The following AUTS2 variants were observed in gnomAD, a reference collection of about 807,000 sequenced individuals.
AUTS2 encodes the protein autism susceptibility gene 2 protein.
A neutral mutation model predicts 112.4 loss-of-function variants in AUTS2; 17 were observed. That is an observed-to-expected ratio of 0.15 (90% CI 0.10 to 0.23). The LOEUF is 0.23. Among genes scored for constraint, AUTS2 ranks in the 10% least tolerant of loss-of-function variants. The pLI, the probability that AUTS2 is intolerant of heterozygous loss-of-function variation, is 1.00. For missense variants in AUTS2, 1,510 were observed against 1,701.6 expected (o/e 0.89, Z 1.98); for synonymous variants, 751 against 702.7 (o/e 1.07, Z -1.09).
rs577658464 is a variant in AUTS2, at chr7:69,718,846, A to G, written c.309+118884A>G. On this transcript the variant is annotated intron_variant, in intron 1 of 18. Transcript: ENST00000342771. ...AGTGCCCTCTATTAATTCTTTGCAA[A>G]ATAAATTGTTACCTATGAATGTGTC... Among the ~76,000 whole-genome samples, 12 of 152,272 alleles carry G rather than the reference A, an allele frequency of 7.9e-5. No homozygotes were observed. In the South Asian group the frequency reaches 2.5e-3, roughly 32 times the overall value.
intron 5 of AUTS2, among the ~76,000 whole-genome samples, chr7:70,617,444 T>C (rs1804432683): frequency 6.6e-6 from 1 of 152,106 alleles, no homozygotes; most frequent in African/African-American, 2.4e-5. Flanking sequence ...GGGCGGATCA[T>C]GAGGTCAGGA....
At chr7:69,854,044 G>T (rs545600262) in intron 1 of AUTS2, among the ~76,000 whole-genome samples, 1 of 152,066 alleles carries the variant, frequency 6.6e-6, no homozygotes, top group Non-Finnish European at 1.5e-5. Context: ...CTTTCTCTTT[G>T]ACACCACTCT....
At chr7:69,629,046 G>A (rs1390977772) in intron 1 of AUTS2, among the ~76,000 whole-genome samples, 1 of 152,176 alleles carries the variant, frequency 6.6e-6, no homozygotes, top group East Asian at 1.9e-4. Context: ...TGCATTTTGG[G>A]AAGTATCGTT....
At chr7:70,663,838 G>C (rs1807198439) in intron 5 of AUTS2, among the ~76,000 whole-genome samples, 1 of 152,086 alleles carries the variant, frequency 6.6e-6, no homozygotes. Context: ...TCACTACCAC[G>C]TCTCAGAATG....
intron 1 of AUTS2, among the ~76,000 whole-genome samples, chr7:69,785,851 A>G (rs527616140): frequency 6.6e-6 from 1 of 152,224 alleles, no homozygotes; most frequent in South Asian, 2.1e-4. Context: ...TGTTTTTGAG[A>G]TGAAATTTTA....
intron 2 of AUTS2, among the ~76,000 whole-genome samples, chr7:69,936,695 A>G (rs1396166155): frequency 1.3e-5 from 2 of 152,222 alleles, no homozygotes; most frequent in African/African-American, 2.4e-5. Context: ...TTGTTCTCCT[A>G]GGGGATTTCT....
At chr7:70,333,517 T>C (rs1027669152) in intron 4 of AUTS2, among the ~76,000 whole-genome samples, 11 of 152,188 alleles carry the variant, frequency 7.2e-5, no homozygotes, top group African/African-American at 2.7e-4. Context: ...CATATGTTTA[T>C]TGCAGCACTG....
chr7:70,306,968 A>C (rs1021881821), intron 4 of AUTS2, among the ~76,000 whole-genome samples: 3 of 152,128 alleles, frequency 2.0e-5, no homozygotes, highest in Non-Finnish European at 2.9e-5. Flanking sequence ...TTCCCACTGA[A>C]AGATCGAAAA....
At chr7:70,642,172 G>A (rs940519322) in intron 5 of AUTS2, among the ~76,000 whole-genome samples, 4 of 152,158 alleles carry the variant, frequency 2.6e-5, no homozygotes, top group Non-Finnish European at 5.9e-5. Context: ...ATTTTTCTGA[G>A]TTTCTGATTT....
intron 5 of AUTS2, among the ~76,000 whole-genome samples, chr7:70,463,751 T>C (rs1180538476): frequency 6.6e-6 from 1 of 152,154 alleles, no homozygotes; most frequent in Admixed American, 6.5e-5. Context: ...GTTTGCTGAG[T>C]AATTAATCTC....
At chr7:70,111,477 T>C (rs547026654) in intron 2 of AUTS2, among the ~76,000 whole-genome samples, 2 of 152,304 alleles carry the variant, frequency 1.3e-5, no homozygotes, top group East Asian at 3.9e-4. Context: ...TTAGTAAACT[T>C]AAAGAGTTAT....
chr7:70,647,626 G>A (rs796260410), intron 5 of AUTS2, among the ~76,000 whole-genome samples: 12 of 152,250 alleles, frequency 7.9e-5, no homozygotes, highest in African/African-American at 2.4e-4. Flanking sequence ...ACCCTGGCTC[G>A]TCTCCTGTGT....
chr7:70,780,722 A>G (rs1791015429), intron 14 of AUTS2, among the ~76,000 whole-genome samples: 1 of 152,210 alleles, frequency 6.6e-6, no homozygotes, highest in African/African-American at 2.4e-5. Flanking sequence ...TAGGAAGAGA[A>G]AGGGCCTCTG....
intron 4 of AUTS2, among the ~76,000 whole-genome samples, chr7:70,185,568 G>A (rs1025485544): frequency 2.0e-5 from 3 of 151,902 alleles, no homozygotes; most frequent in Admixed American, 2.0e-4. Context: ...ATTGTGGCTT[G>A]TGAAGAAAGA....
At chr7:70,333,747 A>G (rs1790864586) in intron 4 of AUTS2, among the ~76,000 whole-genome samples, 1 of 152,152 alleles carries the variant, frequency 6.6e-6, no homozygotes, top group African/African-American at 2.4e-5. Context: ...CCTAAGTGGG[A>G]GATGAACAAT....
At chr7:70,575,118 C>T (rs942140692) in intron 5 of AUTS2, among the ~76,000 whole-genome samples, 5 of 152,212 alleles carry the variant, frequency 3.3e-5, no homozygotes, top group East Asian at 1.9e-4. Context: ...TTTATTAAAA[C>T]GCTCGCAGAG....
intron 1 of AUTS2, among the ~76,000 whole-genome samples, chr7:69,884,309 C>T (rs2129538215): frequency 6.6e-6 from 1 of 152,308 alleles, no homozygotes; most frequent in Non-Finnish European, 1.5e-5. Flanking sequence ...CTGCTTTCAG[C>T]AAATCTATGT....
At position 70,359,632 on chromosome 7, in the gene AUTS2, G is replaced by T. The variant is rs1792168403; in HGVS notation, c.661-76120G>T. 2.6e-5 allele frequency among the ~76,000 whole-genome samples: 4 copies of T among 152,210 alleles called. No homozygotes were observed. In the South Asian group the frequency reaches 8.3e-4, roughly 32 times the overall value. The stretch of plus-strand genomic sequence containing the variant: ...ATCTAATCCATTCCCTGGAGAGTGA[G>T]AACTTACTCACTTCCAAGGAGAGTG... On this transcript the variant is annotated intron_variant, in intron 4 of 18. Coordinates refer to ENST00000342771, the MANE Select transcript of AUTS2 (RefSeq NM_015570.4).
intron 4 of AUTS2, among the ~76,000 whole-genome samples, chr7:70,388,257 G>A (rs978618470): frequency 6.6e-6 from 1 of 152,092 alleles, no homozygotes; most frequent in Non-Finnish European, 1.5e-5. Context: ...GTGGAGGGTA[G>A]GAAAGGACAT....
Sources: gnomAD v4.1 joint callset for allele counts (sites outside exome capture counted in the v4.1 genomes callset) on GRCh38, gnomAD v4.1.1 for gene constraint, MANE v1.5 for transcripts, NCBI Gene and HGNC (gene_info 2026-07-23, HGNC 2026-07-21) for gene names.